Variants in RELN observed in about 807,000 individuals in gnomAD.
RELN encodes the protein reelin.
A neutral mutation model predicts 427.6 loss-of-function variants in RELN; 108 were observed. The observed-to-expected ratio is 0.25, with a 90% CI of 0.22 to 0.30. The LOEUF (loss-of-function observed/expected upper bound fraction) is 0.30, where lower values mean the gene tolerates loss of function less well. Among genes scored for constraint, RELN ranks in the 10% least tolerant of loss-of-function variants. The probability of loss-of-function intolerance (pLI) is 1.00; values close to 1 mark genes in which losing one functional copy is unlikely to be tolerated. For missense variants in RELN, 3,715 were observed against 4,302.8 expected (o/e 0.86, Z 3.82); for synonymous variants, 1,524 against 1,513.4 (o/e 1.01, Z -0.16).
rs144473572 is a variant in RELN at position 103,758,627 on chromosome 7, C to T, written c.545-5413G>A. 2.3e-3 allele frequency among the ~76,000 whole-genome samples: 346 copies of T among 150,894 alleles called. 2 individuals carry two copies. The highest frequency in any genetic ancestry group is 8.0e-3 in the African/African-American group (329 of 41,098). ...ATCTACTTAATTTCATAAGTCAAAT[C>T]CCTCTTGAGAGCAGAGCAGTTAAAT... On this transcript the variant is annotated intron_variant, in intron 4 of 64. Coordinates refer to ENST00000428762, the MANE Select transcript of RELN (RefSeq NM_005045.4).
At position 103,968,532 on chromosome 7, in the gene RELN, A is replaced by G. The variant is rs1274593270; in HGVS notation, c.226+20599T>C. On this transcript the variant is annotated intron_variant, in intron 1 of 64. Transcript: ENST00000428762. This position sits in a 1 kb window ranked among gnomAD's most constrained non-coding sequence, Gnocchi z 4.3. ...TGAAAGAAATTGTAAAAGGTAAGCA[A>G]ATGTAAAAAAGAAGAAATTAGATCT... 6.6e-6 allele frequency among the ~76,000 whole-genome samples: 1 copy of G among 152,204 alleles called. No homozygotes were observed. The highest frequency in any genetic ancestry group is 6.5e-5 in the Admixed American group (1 of 15,278).
At chr7:103,905,424 T>C (rs1309292547) in intron 2 of RELN, among the ~76,000 whole-genome samples, 2 of 152,212 alleles carry the variant, frequency 1.3e-5, no homozygotes, top group Non-Finnish European at 1.5e-5. Flanking sequence ...TTAACATATA[T>C]TTGTATAGTT....
intron 58 of RELN, 64 bp downstream of exon 58, chr7:103,491,889 C>T: frequency 6.1e-6 from 6 of 978,182 alleles, no homozygotes; most frequent in Non-Finnish European, 7.9e-6. Flanking sequence ...CACACACACA[C>T]ACACACAACG....
At chr7:103,723,222 C>G (rs1290186943) in intron 7 of RELN, 31 bp from the exon 8 acceptor site, 1 of 1,373,724 alleles carries the variant, frequency 7.3e-7, no homozygotes, top group Admixed American at 1.7e-5. Flanking sequence ...AAAAATAAGA[C>G]AAGACAGAGA....
intron 1 of RELN, among the ~76,000 whole-genome samples, chr7:103,983,783 G>A (rs921147365): frequency 2.0e-5 from 3 of 151,906 alleles, no homozygotes; most frequent in African/African-American, 7.3e-5. Flanking sequence ...CCAACCTAAT[G>A]CACTCCACCT....
intron 2 of RELN, among the ~76,000 whole-genome samples, chr7:103,843,456 C>T (rs1043756320): frequency 3.8e-4 from 58 of 152,128 alleles, no homozygotes; most frequent in African/African-American, 1.4e-3. Context: ...TGTCTGCTGG[C>T]TTCCTCCCCA....
Position 103,651,798 on chromosome 7 carries a change from AC to A in RELN, c.1764-10del. ...AAAATTCCAAGCTGACACTAATAAA[AC>A]CAGAACAAGCACACACAAAAGGTGG... On this transcript the variant is annotated splice_polypyrimidine_tract_variant and intron_variant, in intron 14 of 64. Coordinates refer to ENST00000428762, the MANE Select transcript of RELN (RefSeq NM_005045.4). The A allele has an allele frequency of 1.9e-6, 3 of 1,610,944 alleles. No homozygotes were observed. The highest frequency in any genetic ancestry group is 1.7e-6 in the Non-Finnish European group (2 of 1,178,126).
At position 103,801,402 on chromosome 7, in the gene RELN, T is replaced by C. The variant is rs192377802; in HGVS notation, c.474-24775A>G. On this transcript the variant is annotated intron_variant, in intron 3 of 64. Transcript: ENST00000428762. ...TACACCATGGAATACTATGCAGACATAAAAAGGATGAGTTCATGTCGTTTG... is the reference window on the plus strand; with the variant it reads ...TACACCATGGAATACTATGCAGACACAAAAAGGATGAGTTCATGTCGTTTG... Among the ~76,000 whole-genome samples the C allele has an allele frequency of 2.5e-3, 382 of 152,098 alleles. 2 individuals are homozygous for C. The highest frequency in any genetic ancestry group is 4.6e-3 in the Non-Finnish European group (311 of 67,980).
At chr7:103,500,149 A>G (rs919646213) in intron 53 of RELN, among the ~76,000 whole-genome samples, 6 of 152,198 alleles carry the variant, frequency 3.9e-5, no homozygotes, top group Non-Finnish European at 7.3e-5. Context: ...TTATTCACAG[A>G]AATAGAGTGC....
intron 4 of RELN, among the ~76,000 whole-genome samples, chr7:103,757,379 T>C (rs1791186130): frequency 6.6e-6 from 1 of 152,206 alleles, no homozygotes; most frequent in Admixed American, 6.5e-5. Flanking sequence ...TCGTATGTTT[T>C]TATCTCAACA....
chr7:103,708,464 C>CTTTTTTTTTTTTTTTTTT lies in RELN; in HGVS notation c.806-7459_806-7458insAAAAAAAAAAAAAAAAAA, dbSNP rs745955015. Among the ~76,000 whole-genome samples the CTTTTTTTTTTTTTTTTTT allele has an allele frequency of 5.2e-3, 571 of 109,912 alleles. 51 individuals carry two copies. Among genetic ancestry groups the CTTTTTTTTTTTTTTTTTT allele is most frequent in the African/African-American group, 6.0e-3 (136 of 22,576 alleles). The allele number at this position is 109,912 out of a possible 152,430, so 72.1% of individuals were successfully genotyped here. A position where few individuals can be genotyped will look rare whatever the true frequency, so the allele number is the denominator to read the frequency against. ...CACCCAAACACCAGTGGGTATGACT[C>CTTTTTTTTTTTTTTTTTT]TTTTTTTTTTTTTTTTTGAGACGGA... is the stretch of plus-strand genomic sequence containing the variant. On this transcript the variant is annotated intron_variant, in intron 8 of 64. Coordinates refer to ENST00000428762, the MANE Select transcript of RELN (RefSeq NM_005045.4).
rs765957925 is a variant in RELN, at chr7:103,556,966, T to A, written c.5797+11A>T. The A allele has an allele frequency of 6.2e-7, 1 of 1,601,516 alleles. No homozygotes were observed. Among genetic ancestry groups the A allele is most frequent in the South Asian group, 1.1e-5 (1 of 90,838 alleles). On this transcript the variant is annotated intron_variant, in intron 38 of 64. Coordinates refer to ENST00000428762, the MANE Select transcript of RELN (RefSeq NM_005045.4). ...TCAGTTCTGATCACAGGAGAACACA[T>A]GCATTTTTACCGTTATTATAAGGTT...
chr7:103,778,545 A>T (rs1409666117), intron 3 of RELN, among the ~76,000 whole-genome samples: 1 of 152,224 alleles, frequency 6.6e-6, no homozygotes, highest in Non-Finnish European at 1.5e-5. Flanking sequence ...CAGCCAAATT[A>T]TCAAAATAAG....
intron 8 of RELN, among the ~76,000 whole-genome samples, chr7:103,705,556 C>T (rs1729169305): frequency 6.6e-6 from 1 of 152,138 alleles, no homozygotes; most frequent in Non-Finnish European, 1.5e-5. Context: ...ATAATGAATT[C>T]AATGCTTATT....
At chr7:103,825,318 C>T (rs1354627391) in intron 3 of RELN, among the ~76,000 whole-genome samples, 3 of 152,052 alleles carry the variant, frequency 2.0e-5, no homozygotes, top group Non-Finnish European at 4.4e-5. Context: ...CCCAAGGCAG[C>T]CAAAGAGCAG....
chr7:103,958,668 TGTC>T (rs1796485503), intron 1 of RELN, among the ~76,000 whole-genome samples: 1 of 152,172 alleles, frequency 6.6e-6, no homozygotes, highest in African/African-American at 2.4e-5. Flanking sequence ...AAACAGTACC[TGTC>T]ATCAGCCACA....
Position 103,715,079 on chromosome 7 carries a change from T to A in RELN, c.805+8061A>T, listed in dbSNP as rs149227292. On this transcript the variant is annotated intron_variant, in intron 8 of 64. Coordinates refer to ENST00000428762, the MANE Select transcript of RELN (RefSeq NM_005045.4). ...TGGATAGGGAAGTCTAGACTTTATG[T>A]CTATACCTCTGTTTTGCCCACCAAA... 9.6e-3 allele frequency among the ~76,000 whole-genome samples: 1,459 copies of A among 152,270 alleles called. 28 individuals are homozygous for A. The highest frequency in any genetic ancestry group is 0.033 in the African/African-American group (1,379 of 41,548).
Position 103,988,970 on chromosome 7 carries a change from T to C in RELN, c.226+161A>G, listed in dbSNP as rs1797161223. Among the ~76,000 whole-genome samples, 1 of 152,132 alleles carries C rather than the reference T, an allele frequency of 6.6e-6. No individual in the cohort carries two copies. Among genetic ancestry groups the C allele is most frequent in the Admixed American group, 6.5e-5 (1 of 15,284 alleles). The stretch of plus-strand genomic sequence containing the variant: ...TGAATCCCAACTTGTGACTCCATTC[T>C]CCACTAACTTTATTCTCGCTCCCTG... On this transcript the variant is annotated intron_variant, in intron 1 of 64. Transcript: ENST00000428762. This position sits in a 1 kb window ranked among gnomAD's most constrained non-coding sequence, Gnocchi z 4.9.
At chr7:103,951,025 G>A (rs776646952) in intron 1 of RELN, among the ~76,000 whole-genome samples, 4 of 152,152 alleles carry the variant, frequency 2.6e-5, no homozygotes, top group Non-Finnish European at 4.4e-5. Flanking sequence ...CGCCTCCCTG[G>A]TTCAAGCGAT....
Sources: gnomAD v4.1 joint callset for allele counts (sites outside exome capture counted in the v4.1 genomes callset) on GRCh38, gnomAD v4.1.1 for gene constraint, Gnocchi (gnomAD v3.1) non-coding constraint, MANE v1.5 for transcripts, NCBI Gene and HGNC (gene_info 2026-07-23, HGNC 2026-07-21) for gene names.